The following FBLN2 variants were observed in gnomAD, a reference collection of about 807,000 sequenced individuals.
The protein encoded by FBLN2 is fibulin 2, also known as fibulin-2.
In FBLN2, 81 loss-of-function variants were observed where a neutral mutation model predicts 123.7. That is an observed-to-expected ratio of 0.65 (90% CI 0.55 to 0.79). The LOEUF is 0.79. Among genes scored for constraint, FBLN2 ranks in the 30% least tolerant of loss-of-function variants. The probability of loss-of-function intolerance (pLI) is 0.00; values close to 1 mark genes in which losing one functional copy is unlikely to be tolerated. For missense variants in FBLN2, 1,603 were observed against 1,681.3 expected, an observed-to-expected ratio of 0.95 and a Z score of 0.81; for synonymous variants, 699 against 701.4, an observed-to-expected ratio of 1.00 and a Z score of 0.05.
intron 16 of FBLN2, among the ~76,000 whole-genome samples, chr3:13,633,382 G>A (rs1028027201): frequency 6.6e-6 from 1 of 152,284 alleles, no homozygotes; most frequent in Non-Finnish European, 1.5e-5. Flanking sequence ...AGCCCCACCA[G>A]GAGGTTGGGG....
chr3:13,578,265 T>G (rs1704211737), intron 2 of FBLN2, among the ~76,000 whole-genome samples: 1 of 152,230 alleles, frequency 6.6e-6, no homozygotes, highest in Admixed American at 6.5e-5. Context: ...TTTAGTAGAT[T>G]TGGAGTTGTG....
rs371586615 is a variant in FBLN2 at position 13,629,021 on chromosome 3, G to A, written c.2686G>A (p.Ala896Thr). The change falls in exon 12 of 18, where the codon GCC becomes ACC. Residue 896 changes from alanine (A) to threonine (T), a missense_variant. Transcript: ENST00000404922. ...GCTGATCTGCGCGCGCGGCTACCAC[G>A]CCAGCGATGATGGGACCAAGTGTGT... ...NPLICARGYH[A>T]SDDGTKCVDV... The A allele has an allele frequency of 2.5e-5, 41 of 1,613,224 alleles. No homozygotes were observed. The Admixed American group carries it at 5.0e-4, about 20-fold the overall frequency.
intron 16 of FBLN2, among the ~76,000 whole-genome samples, chr3:13,635,782 G>T (rs1256009099): frequency 1.3e-5 from 2 of 152,176 alleles, no homozygotes; most frequent in Non-Finnish European, 2.9e-5. Flanking sequence ...ATGGGAATGA[G>T]AAAGACAAAC....
chr3:13,629,293 G>A lies in FBLN2; in HGVS notation c.2842+1G>A. The A allele has an allele frequency of 6.2e-7, 1 of 1,606,144 alleles. No individual in the cohort carries two copies. The highest frequency in any genetic ancestry group is 8.5e-7 in the Non-Finnish European group (1 of 1,177,228). On this transcript the variant is annotated splice_donor_variant, in intron 13 of 17. Coordinates refer to ENST00000404922, the MANE Select transcript of FBLN2 (RefSeq NM_001004019.2). LOFTEE classifies it high-confidence loss of function. ...GATGCCTTTGGCCGGGGCTGCATCG[G>A]TAGGTAGGCTGGTGGCCAGGACCCC... is the stretch of plus-strand genomic sequence containing the variant.
At chr3:13,599,045 G>A (rs1470478705) in intron 2 of FBLN2, among the ~76,000 whole-genome samples, 3 of 152,212 alleles carry the variant, frequency 2.0e-5, no homozygotes, top group Admixed American at 1.3e-4. Context: ...GCTGAGTCTG[G>A]GCTGTGCTGT....
At chr3:13,623,887 A>G (rs551280956) in intron 9 of FBLN2, among the ~76,000 whole-genome samples, 2 of 152,350 alleles carry the variant, frequency 1.3e-5, no homozygotes, top group Non-Finnish European at 1.5e-5. Flanking sequence ...GATTCAACCA[A>G]TGTTTCACTG....
In FBLN2 at chr3:13,622,880, C is replaced by T. The variant is rs569896863; in HGVS notation, c.2296+965C>T. 9.2e-5 allele frequency among the ~76,000 whole-genome samples: 14 copies of T among 152,360 alleles called. No homozygotes were observed. The South Asian group carries it at 2.1e-3, about 23-fold the overall frequency. On this transcript the variant is annotated intron_variant, in intron 9 of 17. Coordinates refer to ENST00000404922, the MANE Select transcript of FBLN2 (RefSeq NM_001004019.2). ...ACACGCGCAGAGGGCGAGGTCATTC[C>T]AGCTGGTGGCATCGGGTTAGCATTT...
chr3:13,586,519 A>G (rs991232397), intron 2 of FBLN2, among the ~76,000 whole-genome samples: 11 of 145,514 alleles, frequency 7.6e-5, no homozygotes, highest in African/African-American at 2.8e-4. Flanking sequence ...TTTTATTGAA[A>G]TGGAGTCTTG....
At chr3:13,579,925 A>G (rs1283861085) in intron 2 of FBLN2, among the ~76,000 whole-genome samples, 2 of 152,248 alleles carry the variant, frequency 1.3e-5, no homozygotes, top group East Asian at 3.8e-4. Flanking sequence ...CTCATGAGAC[A>G]AGAGCCGGCC....
intron 4 of FBLN2, 46 bp downstream of exon 4, chr3:13,609,688 G>GGGGGGGGGGGCCCC: frequency 2.0e-6 from 1 of 512,602 alleles, no homozygotes; most frequent in Non-Finnish European, 3.6e-6. Context: ...GTGGGGCGGG[G>GGGGGGGGGGGCCCC]CGGGAGGCTG....
intron 1 of FBLN2, among the ~76,000 whole-genome samples, chr3:13,567,227 T>C (rs540795247): frequency 3.9e-4 from 59 of 152,276 alleles, no homozygotes; most frequent in Admixed American, 1.6e-3. Context: ...AGGAAGTTCT[T>C]CTGGAAGAAG....
chr3:13,569,835 CTG>C (rs10539155), intron 1 of FBLN2, among the ~76,000 whole-genome samples: 54,795 of 151,794 alleles, frequency 0.36, 10,676 homozygotes, highest in Non-Finnish European at 0.42. Flanking sequence ...GTGCGTGGGA[CTG>C]TGCGTGTGAG....
intron 2 of FBLN2, among the ~76,000 whole-genome samples, chr3:13,596,260 C>A (rs1205830034): frequency 1.3e-5 from 2 of 151,558 alleles, no homozygotes; most frequent in Non-Finnish European, 2.9e-5. Flanking sequence ...GCCTCAGCCT[C>A]CCAAGTAGTG....
chr3:13,604,784 G>A (rs963022008), intron 2 of FBLN2, among the ~76,000 whole-genome samples: 16 of 152,362 alleles, frequency 1.1e-4, no homozygotes, highest in Admixed American at 7.2e-4. Context: ...AACAGGTTGT[G>A]ATGGAAGCTG....
intron 6 of FBLN2, among the ~76,000 whole-genome samples, chr3:13,618,617 T>A (rs1374161003): frequency 3.3e-5 from 5 of 152,196 alleles, no homozygotes; most frequent in Admixed American, 3.3e-4. Flanking sequence ...TTCCTCCCAG[T>A]CACTGGTCCC....
intron 2 of FBLN2, among the ~76,000 whole-genome samples, chr3:13,606,180 T>G (rs1357283632): frequency 6.6e-6 from 1 of 152,206 alleles, no homozygotes; most frequent in East Asian, 1.9e-4. Context: ...GATACAGGCG[T>G]GAACCACCAC....
chr3:13,569,559 T>C (rs1214162511), intron 1 of FBLN2, among the ~76,000 whole-genome samples: 2 of 148,746 alleles, frequency 1.3e-5, no homozygotes, highest in African/African-American at 5.0e-5. Context: ...ACTGGGGGAG[T>C]TGGTGGGGTG....
intron 2 of FBLN2, among the ~76,000 whole-genome samples, chr3:13,594,223 T>TG (rs1392054583): frequency 6.6e-6 from 1 of 152,068 alleles, no homozygotes; most frequent in Admixed American, 6.6e-5. Context: ...CCTTGACGTT[T>TG]GGGGGCTGCT....
intron 1 of FBLN2, among the ~76,000 whole-genome samples, chr3:13,551,316 G>T (rs1026606516): frequency 1.3e-5 from 2 of 152,324 alleles, no homozygotes; most frequent in African/African-American, 2.4e-5. Flanking sequence ...TGTGATGGTG[G>T]CAGACACTTC....
Sources: allele counts gnomAD v4.1 joint callset (sites outside exome capture counted in the v4.1 genomes callset), GRCh38; gene constraint gnomAD v4.1.1; transcripts MANE v1.5; gene names NCBI Gene and HGNC (gene_info 2026-07-23, HGNC 2026-07-21).